Variants in ZC3H12B observed in about 807,000 individuals in gnomAD.
The protein encoded by ZC3H12B is zinc finger CCCH-type containing 12B.
ZC3H12B carries 7 observed loss-of-function variants against 43.9 expected under a neutral mutation model. The ratio of observed to expected loss-of-function variants is 0.16; its 90% CI spans 0.09 to 0.30. The LOEUF (loss-of-function observed/expected upper bound fraction) is 0.30, where lower values mean the gene tolerates loss of function less well. ZC3H12B is among the 10% of genes least tolerant of loss of function. The pLI is 1.00. For synonymous variants in ZC3H12B, 222 were observed against 241.7 expected (o/e 0.92, Z 0.76); for missense variants, 475 against 670.2 (o/e 0.71, Z 3.22).
intron 2 of ZC3H12B, among the ~76,000 whole-genome samples, chrX:65,380,576 C>T (rs1377105911): frequency 9.0e-6 from 1 of 111,244 alleles, no homozygotes; most frequent in African/African-American, 3.3e-5. Context: ...CAGGTAACAT[C>T]ATAATGACAG....
At chrX:65,049,258 T>C in the ZC3H12B span, among the ~76,000 whole-genome samples, 1 of 111,655 alleles carries the variant, frequency 9.0e-6, no homozygotes, top group East Asian at 2.8e-4. Context: ...ACTGATGTTA[T>C]GAAGCTATTT....
intron 2 of ZC3H12B, among the ~76,000 whole-genome samples, chrX:65,372,617 G>A (rs1011885650): frequency 2.8e-5 from 3 of 106,865 alleles, no homozygotes; most frequent in Admixed American, 1.0e-4. Context: ...CAGGAGAGAG[G>A]GAGAGAGGAA....
the ZC3H12B span, among the ~76,000 whole-genome samples, chrX:65,329,979 A>G: frequency 8.9e-6 from 1 of 112,059 alleles, no homozygotes; most frequent in African/African-American, 3.2e-5. Context: ...AAGTCAGGTA[A>G]CATGATGCCT....
intron 3 of ZC3H12B, among the ~76,000 whole-genome samples, chrX:65,436,215 G>A (rs954639648): frequency 8.9e-6 from 1 of 111,892 alleles, no homozygotes; most frequent in Non-Finnish European, 1.9e-5. Flanking sequence ...CACAAGAACA[G>A]CAAGGGGGAT....
At chrX:65,457,216 G>A (rs746943520) in intron 3 of ZC3H12B, among the ~76,000 whole-genome samples, 3,771 of 49,054 alleles carry the variant, frequency 0.077, 619 homozygotes, top group African/African-American at 0.33. Flanking sequence ...CAACCGCCCC[G>A]TCTGAGAAGT....
At chrX:65,481,037 G>A (rs768315992) in intron 3 of ZC3H12B, among the ~76,000 whole-genome samples, 2 of 111,125 alleles carry the variant, frequency 1.8e-5, no homozygotes, top group African/African-American at 3.3e-5. Context: ...GTTACAACTA[G>A]CAGGAGTTAA....
intron 3 of ZC3H12B, among the ~76,000 whole-genome samples, chrX:65,442,406 G>A (rs979809991): frequency 9.0e-6 from 1 of 111,018 alleles, no homozygotes; most frequent in African/African-American, 3.3e-5. Context: ...TAAAGGAAAG[G>A]TATTGTTCTC....
intron 3 of ZC3H12B, among the ~76,000 whole-genome samples, chrX:65,480,981 C>G (rs2068056608): frequency 9.0e-6 from 1 of 111,439 alleles, no homozygotes; most frequent in African/African-American, 3.3e-5. Context: ...GTGGACAGTT[C>G]TTGCTTTTAG....
At chrX:65,116,092 C>G in the ZC3H12B span, among the ~76,000 whole-genome samples, 2 of 111,120 alleles carry the variant, frequency 1.8e-5, no homozygotes. Context: ...GTTGCATTTG[C>G]TTTTGGGTTC....
rs1467751876 is a variant in ZC3H12B at position 65,374,107 on chromosome X, AG to A, written n.295+5111del. ...ATATAGTATATATATAACTATATAT[AG>A]GTTATATATAACTATATATAGTGTA... On this transcript the variant is annotated intron_variant and non_coding_transcript_variant, in intron 2 of 5. Transcript: ENST00000617377. 2.4e-3 allele frequency among the ~76,000 whole-genome samples: 155 copies of A among 65,331 alleles called. 3 individuals are homozygous for A. Among genetic ancestry groups the A allele is most frequent in the African/African-American group, 0.013 (141 of 10,895 alleles). The allele number at this position is 65,331 out of a possible 115,157, so 56.7% of individuals were successfully genotyped here. A position where few individuals can be genotyped will look rare whatever the true frequency, so the allele number is the denominator to read the frequency against.
At chrX:65,253,370 G>C in the ZC3H12B span, among the ~76,000 whole-genome samples, 1 of 112,302 alleles carries the variant, frequency 8.9e-6, no homozygotes, top group Non-Finnish European at 1.9e-5. Flanking sequence ...GTAGAATACT[G>C]GCAGCAGGAG....
intron 3 of ZC3H12B, among the ~76,000 whole-genome samples, chrX:65,474,395 A>G (rs1218622991): frequency 9.1e-6 from 1 of 110,488 alleles, no homozygotes; most frequent in Non-Finnish European, 1.9e-5. Flanking sequence ...ATATTACTAG[A>G]TCCTGTTTTT....
At chrX:65,263,794 A>G in the ZC3H12B span, among the ~76,000 whole-genome samples, 1 of 111,352 alleles carries the variant, frequency 9.0e-6, no homozygotes, top group African/African-American at 3.3e-5. Context: ...TATTCAATCC[A>G]GAAATCTTAC....
At chrX:65,042,064 A>G in the ZC3H12B span, among the ~76,000 whole-genome samples, 1 of 112,225 alleles carries the variant, frequency 8.9e-6, no homozygotes, top group Non-Finnish European at 1.9e-5. Context: ...AAAAAAAGCT[A>G]GTTCTTTGCT....
chrX:65,099,888 A>T, the ZC3H12B span, among the ~76,000 whole-genome samples: 1 of 111,912 alleles, frequency 8.9e-6, no homozygotes, highest in South Asian at 3.7e-4. Flanking sequence ...TGAGTTTGAC[A>T]AATTGACAGA....
At chrX:65,416,662 C>T (rs779888603) in intron 3 of ZC3H12B, among the ~76,000 whole-genome samples, 9 of 108,175 alleles carry the variant, frequency 8.3e-5, no homozygotes, top group South Asian at 4.1e-4. Context: ...TGGTGGTGGG[C>T]GCCTGTAGTT....
exon 5 of ZC3H12B, chrX:65,502,950 T>C (rs1290486512): frequency 3.3e-6 from 4 of 1,209,871 alleles, no homozygotes; most frequent in Non-Finnish European, 4.5e-6. Flanking sequence ...AGTAACAGCC[T>C]CATGCAACCA....
chrX:65,091,366 C>T, the ZC3H12B span, among the ~76,000 whole-genome samples: 1 of 111,158 alleles, frequency 9.0e-6, no homozygotes, highest in Non-Finnish European at 1.9e-5. Context: ...CCAAGTGAAA[C>T]TGATTTTCAA....
At chrX:65,282,981 G>A in the ZC3H12B span, among the ~76,000 whole-genome samples, 3 of 111,576 alleles carry the variant, frequency 2.7e-5, no homozygotes, top group African/African-American at 9.8e-5. Flanking sequence ...TATGAGGCCA[G>A]CATCATCCTG....
Sources: gnomAD v4.1 joint callset for allele counts (sites outside exome capture counted in the v4.1 genomes callset) on GRCh38, gnomAD v4.1.1 for gene constraint, MANE v1.5 for transcripts, NCBI Gene and HGNC (gene_info 2026-07-23, HGNC 2026-07-21) for gene names.